Variants in KCNQ1 observed in about 807,000 individuals in gnomAD.
KCNQ1 encodes the protein potassium voltage-gated channel subfamily KQT member 1.
Under a neutral mutation model 72.4 loss-of-function variants are expected in KCNQ1, and 49 were observed. The ratio of observed to expected loss-of-function variants is 0.68; its 90% CI spans 0.54 to 0.86. The LOEUF is 0.86. Ranked by LOEUF, KCNQ1 falls within the 40% of genes least tolerant of loss-of-function variation. The pLI is 0.00. For synonymous variants in KCNQ1, 450 were observed against 412.6 expected (o/e 1.09, Z -1.10); for missense variants, 790 against 945.1 (o/e 0.84, Z 2.15).
chr11:2,621,460 A>T lies in KCNQ1; in HGVS notation c.1393+32606A>T, dbSNP rs1041898741. On this transcript the variant is annotated intron_variant, in intron 10 of 15. Coordinates refer to ENST00000155840, the MANE Select transcript of KCNQ1 (RefSeq NM_000218.3). This position sits in a 1 kb window ranked among gnomAD's most constrained non-coding sequence, Gnocchi z 5.7. ...CTGGACATAGGACCTTTGCCAGATG[A>T]ATAGTTTGCAAATATTTTTTCTCCC... The T allele has an allele frequency of 2.5e-6, 1 of 398,420 alleles. No individual in the cohort carries two copies. The highest frequency in any genetic ancestry group is 2.1e-5 in the African/African-American group (1 of 48,590). The allele number at this position is 398,420 out of a possible 1,614,324, so 24.7% of individuals were successfully genotyped here.
chr11:2,624,503 A>T lies in KCNQ1; in HGVS notation c.1393+35649A>T. 1 of 398,514 alleles carries T rather than the reference A, an allele frequency of 2.5e-6. No homozygotes were observed. The highest frequency in any genetic ancestry group is 4.4e-6 in the Non-Finnish European group (1 of 226,010). 24.7% of individuals were successfully genotyped at this position (398,514 alleles called of 1,614,324 possible). A position where few individuals can be genotyped will look rare whatever the true frequency, so the allele number is the denominator to read the frequency against. The stretch of plus-strand genomic sequence containing the variant: ...AAAAGCCATCACCAAACTAAAGATC[A>T]TCTAGATTTCTTCCTATGTTATCTT... On this transcript the variant is annotated intron_variant, in intron 10 of 15. Coordinates refer to ENST00000155840, the MANE Select transcript of KCNQ1 (RefSeq NM_000218.3). The surrounding 1 kb of genome is among the most constrained non-coding windows in gnomAD (Gnocchi z 4.9).
intron 11 of KCNQ1, among the ~76,000 whole-genome samples, chr11:2,747,412 G>A (rs909398757): frequency 8.5e-5 from 13 of 152,314 alleles, no homozygotes; most frequent in East Asian, 1.9e-4. Context: ...GGAGGGGCTC[G>A]TCCAGCCTTC....
chr11:2,676,114 AC>A lies in KCNQ1; in HGVS notation c.1514+14034del. Reference sequence around the variant, plus strand: ...CTGTGTGTGCATGTACTTAGTAGATACGGCTCCTTTTTATACAAATGGTAGC... The same window carrying A: ...CTGTGTGTGCATGTACTTAGTAGATAGGCTCCTTTTTATACAAATGGTAGC... On this transcript the variant is annotated intron_variant, in intron 11 of 15. Transcript: ENST00000155840. This position sits in a 1 kb window ranked among gnomAD's most constrained non-coding sequence, Gnocchi z 4.2. The A allele has an allele frequency of 2.5e-6, 1 of 398,660 alleles. No individual in the cohort carries two copies. Among genetic ancestry groups the A allele is most frequent in the South Asian group, 1.3e-4 (1 of 7,864 alleles). The allele number at this position is 398,660 out of a possible 1,614,324, so 24.7% of individuals were successfully genotyped here. A position where few individuals can be genotyped will look rare whatever the true frequency, so the allele number is the denominator to read the frequency against.
chr11:2,518,692 G>A (rs904162298), intron 1 of KCNQ1, among the ~76,000 whole-genome samples: 10 of 152,172 alleles, frequency 6.6e-5, no homozygotes, highest in Non-Finnish European at 1.2e-4. Flanking sequence ...TTGGGGCTTC[G>A]GGAGACAATG....
chr11:2,499,741 A>C (rs1377958884), intron 1 of KCNQ1, among the ~76,000 whole-genome samples: 1 of 152,196 alleles, frequency 6.6e-6, no homozygotes, highest in Non-Finnish European at 1.5e-5. Context: ...CATCATGATA[A>C]AGGGATCAAT....
intron 11 of KCNQ1, among the ~76,000 whole-genome samples, chr11:2,709,809 A>G (rs1850975793): frequency 1.3e-5 from 2 of 152,220 alleles, no homozygotes; most frequent in African/African-American, 4.8e-5. Flanking sequence ...TGTAGCATGT[A>G]TCAGTGTTTC....
In KCNQ1 at chr11:2,588,876, G is replaced by A. The variant is rs958989304; in HGVS notation, c.1393+22G>A. 5 of 1,610,168 alleles carry A rather than the reference G, an allele frequency of 3.1e-6. No homozygotes were observed. The Admixed American group carries it at 8.3e-5, about 27-fold the overall frequency. ...TCTGGTGAGAACCCCTCAGGCAGTT[G>A]GGGGCCGCGGGGCCGGGAAGGTCAC... On this transcript the variant is annotated intron_variant, in intron 10 of 15. Coordinates refer to ENST00000155840, the MANE Select transcript of KCNQ1 (RefSeq NM_000218.3). The surrounding 1 kb of genome is among the most constrained non-coding windows in gnomAD (Gnocchi z 5.6).
At position 2,509,273 on chromosome 11, in the gene KCNQ1, G is replaced by T. The variant is rs1847154847; in HGVS notation, c.387-18655G>T. Among the ~76,000 whole-genome samples, 1 of 152,140 alleles carries T rather than the reference G, an allele frequency of 6.6e-6. No homozygotes were observed. Among genetic ancestry groups the T allele is most frequent in the South Asian group, 2.1e-4 (1 of 4,816 alleles). On this transcript the variant is annotated intron_variant, in intron 1 of 15. Coordinates refer to ENST00000155840, the MANE Select transcript of KCNQ1 (RefSeq NM_000218.3). This position sits in a 1 kb window ranked among gnomAD's most constrained non-coding sequence, Gnocchi z 6.3. ...ATGAAGAGTGGCTTCGGACTTTGGG[G>T]TAGGGTCTGGTAGGATCCCAGGGCC... is the stretch of plus-strand genomic sequence containing the variant.
intron 2 of KCNQ1, among the ~76,000 whole-genome samples, chr11:2,556,539 T>G (rs113420216): frequency 2.6e-5 from 4 of 152,352 alleles, no homozygotes; most frequent in African/African-American, 9.6e-5. Flanking sequence ...CAAAATTGTC[T>G]GCTGGAGTTG....
rs1360474115 is a variant in KCNQ1 at position 2,809,172 on chromosome 11, T to G, written c.1794+31135T>G. On this transcript the variant is annotated intron_variant, in intron 15 of 15. Transcript: ENST00000155840. This position sits in a 1 kb window ranked among gnomAD's most constrained non-coding sequence, Gnocchi z 7.1. The stretch of plus-strand genomic sequence containing the variant: ...TATAAATATGGAATCAAGGGATGCC[T>G]GCAGCTTTTGAATTGTTGATTTTTT... Among the ~76,000 whole-genome samples, 1 of 152,162 alleles carries G rather than the reference T, an allele frequency of 6.6e-6. No individual in the cohort carries two copies. Among genetic ancestry groups the G allele is most frequent in the Non-Finnish European group, 1.5e-5 (1 of 68,030 alleles).
intron 1 of KCNQ1, among the ~76,000 whole-genome samples, chr11:2,496,719 TGTC>T (rs1846927934): frequency 6.6e-6 from 1 of 152,080 alleles, no homozygotes. Context: ...AATTTGGTCC[TGTC>T]GTCATGATGC....
intron 4 of KCNQ1, 88 bp downstream of exon 4, chr11:2,571,491 C>T: frequency 9.1e-7 from 1 of 1,099,624 alleles, no homozygotes; most frequent in Non-Finnish European, 1.4e-6. Context: ...CCCCATCCAC[C>T]TTGCTCAGAT....
At chr11:2,589,860 C>T (rs140262620) in intron 10 of KCNQ1, among the ~76,000 whole-genome samples, 290 of 152,278 alleles carry the variant, frequency 1.9e-3, no homozygotes, top group Admixed American at 6.4e-3. Flanking sequence ...TCCGTCATCT[C>T]GGGACCAGTT....
intron 15 of KCNQ1, among the ~76,000 whole-genome samples, chr11:2,844,248 C>G (rs901470790): frequency 1.3e-5 from 2 of 152,216 alleles, no homozygotes; most frequent in Admixed American, 1.3e-4. Context: ...ACCTGTAGCC[C>G]AGGCCTGGGC....
intron 2 of KCNQ1, among the ~76,000 whole-genome samples, chr11:2,533,175 T>C (rs931897600): frequency 1.3e-5 from 2 of 152,220 alleles, no homozygotes; most frequent in African/African-American, 2.4e-5. Context: ...TCGTTTCTTT[T>C]CGTACGCCCA....
At chr11:2,707,563 C>G (rs1850930882) in intron 11 of KCNQ1, among the ~76,000 whole-genome samples, 2 of 152,140 alleles carry the variant, frequency 1.3e-5, no homozygotes, top group African/African-American at 4.8e-5. Context: ...TCAGAGCAGC[C>G]TGGACCCAGG....
At chr11:2,510,613 C>G (rs1354387357) in intron 1 of KCNQ1, among the ~76,000 whole-genome samples, 2 of 152,220 alleles carry the variant, frequency 1.3e-5, no homozygotes, top group Non-Finnish European at 2.9e-5. Context: ...CTCAAAGGAA[C>G]AAACAAGGCT....
At chr11:2,585,628 A>G (rs1175601404) in intron 8 of KCNQ1, among the ~76,000 whole-genome samples, 1 of 152,208 alleles carries the variant, frequency 6.6e-6, no homozygotes, top group Non-Finnish European at 1.5e-5. Context: ...CCCACTGCAC[A>G]ACAACCTGAG....
rs1046558620 is a variant in KCNQ1 at position 2,550,923 on chromosome 11, A to G, written c.478-19705A>G. On this transcript the variant is annotated intron_variant, in intron 2 of 15. Transcript: ENST00000155840. The surrounding 1 kb of genome is among the most constrained non-coding windows in gnomAD (Gnocchi z 6.0). ...GAGACAGGGTCCCCGTGTTCCATCC[A>G]TGGGGTACAGCTGCTCCCAGGCCAG... 6.6e-6 allele frequency among the ~76,000 whole-genome samples: 1 copy of G among 151,968 alleles called. No individual in the cohort carries two copies. Among genetic ancestry groups the G allele is most frequent in the Non-Finnish European group, 1.5e-5 (1 of 67,968 alleles).
Sources: allele counts gnomAD v4.1 joint callset (sites outside exome capture counted in the v4.1 genomes callset), GRCh38; gene constraint gnomAD v4.1.1; non-coding constraint Gnocchi (gnomAD v3.1); transcripts MANE v1.5; gene names NCBI Gene and HGNC (gene_info 2026-07-23, HGNC 2026-07-21).